TMPRSS15: variants seen among roughly 807,000 people sequenced by gnomAD.
TMPRSS15 encodes the protein enteropeptidase.
In TMPRSS15, 128 loss-of-function variants were observed where a neutral mutation model predicts 125.3. That is an observed-to-expected ratio of 1.02 (90% CI 0.89 to 1.18). The LOEUF (loss-of-function observed/expected upper bound fraction) is 1.18. Among genes scored for constraint, TMPRSS15 ranks in the 50% most tolerant of loss-of-function variants. TMPRSS15 has a pLI of 0.00. For synonymous variants in TMPRSS15, 446 were observed against 423.2 expected, an observed-to-expected ratio of 1.05 and a Z score of -0.66; for missense variants, 1,283 against 1,212.7, an observed-to-expected ratio of 1.06 and a Z score of -0.86.
chr21:18,398,137 G>T, intron 2 of TMPRSS15, 62 bp downstream of exon 2: 3 of 1,570,160 alleles, frequency 1.9e-6, no homozygotes, highest in Non-Finnish European at 2.6e-6. Context: ...GTGAGAAAAT[G>T]GTGTTTTCAG....
rs978454370 is a variant in TMPRSS15 at position 18,274,501 on chromosome 21, G to A, written c.2904+696C>T. Among the ~76,000 whole-genome samples the A allele has an allele frequency of 2.0e-5, 3 of 152,142 alleles. 1 individual carries two copies. Among genetic ancestry groups the A allele is most frequent in the African/African-American group, 7.2e-5 (3 of 41,428 alleles). On this transcript the variant is annotated intron_variant, in intron 24 of 24. Coordinates refer to ENST00000284885, the MANE Select transcript of TMPRSS15 (RefSeq NM_002772.3). ...CAGTGAAGTTACTACGTGGGTAAGAGTTTTTTCCTAATGTCACACAGGTCA... is the reference window on the plus strand; with the variant it reads ...CAGTGAAGTTACTACGTGGGTAAGAATTTTTTCCTAATGTCACACAGGTCA...
chr21:18,301,053 G>A (rs921987366), intron 18 of TMPRSS15, among the ~76,000 whole-genome samples: 1 of 152,148 alleles, frequency 6.6e-6, no homozygotes, highest in Non-Finnish European at 1.5e-5. Context: ...ATATAAATAT[G>A]TCGTCTTGGG....
At position 18,461,294 on chromosome 21, in the gene TMPRSS15, T is replaced by A. The variant is rs2122952475; in HGVS notation, c.10+24505A>T. ...GTAGTTACATTTCTTCCCTGCTCTATAAACCCTTAATTTTAGTCACTTGAA... is the reference window on the plus strand; with the variant it reads ...GTAGTTACATTTCTTCCCTGCTCTAAAAACCCTTAATTTTAGTCACTTGAA... On this transcript the variant is annotated intron_variant, in intron 1 of 7. Coordinates refer to the TMPRSS15 transcript ENST00000422787. Among the ~76,000 whole-genome samples the A allele has an allele frequency of 3.9e-5, 6 of 152,156 alleles. No homozygotes were observed. The East Asian group carries it at 1.2e-3, about 29-fold the overall frequency.
intron 1 of TMPRSS15, among the ~76,000 whole-genome samples, chr21:18,415,629 A>G (rs145570118): frequency 1.5e-4 from 23 of 152,238 alleles, no homozygotes; most frequent in African/African-American, 5.5e-4. Context: ...CCCATTGTGT[A>G]TCCTTAGCAC....
intron 1 of TMPRSS15, among the ~76,000 whole-genome samples, chr21:18,422,326 G>T (rs2076194045): frequency 6.6e-6 from 1 of 151,852 alleles, no homozygotes; most frequent in African/African-American, 2.4e-5. Flanking sequence ...TAAATGGAAG[G>T]TGAAACCTTT....
intron 4 of TMPRSS15, among the ~76,000 whole-genome samples, chr21:18,382,873 C>A (rs923685072): frequency 1.3e-5 from 2 of 152,112 alleles, no homozygotes; most frequent in Non-Finnish European, 2.9e-5. Context: ...TTGGAACAAT[C>A]TAAGCATTTA....
At chr21:18,306,842 C>G (rs981103389) in intron 18 of TMPRSS15, among the ~76,000 whole-genome samples, 11 of 151,278 alleles carry the variant, frequency 7.3e-5, no homozygotes, top group Admixed American at 4.0e-4. Flanking sequence ...ATACTTTGAT[C>G]AAAGACATGA....
At chr21:18,387,460 T>G (rs1381753792) in intron 3 of TMPRSS15, among the ~76,000 whole-genome samples, 1 of 152,200 alleles carries the variant, frequency 6.6e-6, no homozygotes, top group East Asian at 1.9e-4. Context: ...AAACTGCATG[T>G]TGCCACAAAG....
intron 1 of TMPRSS15, among the ~76,000 whole-genome samples, chr21:18,401,827 A>G (rs1409813729): frequency 1.3e-5 from 2 of 152,220 alleles, no homozygotes; most frequent in Non-Finnish European, 2.9e-5. Context: ...TTAGCTGTTC[A>G]CTGTTAAACA....
intron 1 of TMPRSS15, among the ~76,000 whole-genome samples, chr21:18,460,017 T>G (rs2123272972): frequency 6.6e-6 from 1 of 152,324 alleles, no homozygotes; most frequent in South Asian, 2.1e-4. Context: ...TTTGATATTT[T>G]ATTCTGTGAT....
intron 1 of TMPRSS15, chr21:18,477,839 A>C (rs1321197668): frequency 6.6e-6 from 1 of 152,098 alleles, no homozygotes; most frequent in Non-Finnish European, 1.5e-5. Context: ...TGTTTATCTC[A>C]GATCCAATTA....
chr21:18,338,687 T>C, intron 13 of TMPRSS15, among the ~76,000 whole-genome samples: 1 of 151,228 alleles, frequency 6.6e-6, no homozygotes, highest in East Asian at 1.9e-4. Context: ...AATAAGAGTA[T>C]ATCCAAAAGA....
intron 21 of TMPRSS15, among the ~76,000 whole-genome samples, chr21:18,292,584 C>A (rs895870877): frequency 6.6e-6 from 1 of 152,114 alleles, no homozygotes; most frequent in Non-Finnish European, 1.5e-5. Context: ...AATATTACTG[C>A]GAGCCTGATT....
Position 18,419,447 on chromosome 21 carries a change from G to A in TMPRSS15, c.11-21118C>T, listed in dbSNP as rs62215002. On this transcript the variant is annotated intron_variant, in intron 1 of 7. Coordinates refer to the TMPRSS15 transcript ENST00000422787. ...TCACCGTGTTAGACCGGATGGTCTC[G>A]ATCTCCTGACATCGTGATCCACCTG... is the stretch of plus-strand genomic sequence containing the variant. Among the ~76,000 whole-genome samples the A allele has an allele frequency of 1.5e-3, 222 of 151,996 alleles. 3 individuals carry two copies. The highest frequency in any genetic ancestry group is 1.8e-3 in the Non-Finnish European group (120 of 67,952).
intron 1 of TMPRSS15, among the ~76,000 whole-genome samples, chr21:18,441,430 C>T (rs1260924559): frequency 6.6e-6 from 1 of 151,078 alleles, no homozygotes; most frequent in African/African-American, 2.4e-5. Context: ...CATGGTGAAA[C>T]CCCATCTCTA....
chr21:18,358,544 A>G (rs1022662372), intron 8 of TMPRSS15, among the ~76,000 whole-genome samples: 6 of 151,884 alleles, frequency 4.0e-5, no homozygotes, highest in Non-Finnish European at 7.4e-5. Flanking sequence ...TTAAGAGCAA[A>G]TGTGACTTAC....
At chr21:18,332,048 A>C in intron 14 of TMPRSS15, 36 bp downstream of exon 14, 1 of 1,575,370 alleles carries the variant, frequency 6.3e-7, no homozygotes, top group South Asian at 1.1e-5. Context: ...TCATATGGAC[A>C]TTTGTTTCTG....
At chr21:18,367,129 T>C (rs533176083) in intron 6 of TMPRSS15, among the ~76,000 whole-genome samples, 1 of 152,150 alleles carries the variant, frequency 6.6e-6, no homozygotes, top group South Asian at 2.1e-4. Context: ...ATTCATTAGC[T>C]TATGATTTGG....
At chr21:18,440,266 G>A (rs1310469818) in intron 1 of TMPRSS15, among the ~76,000 whole-genome samples, 1 of 149,222 alleles carries the variant, frequency 6.7e-6, no homozygotes, top group Non-Finnish European at 1.5e-5. Context: ...CCAGCTACAC[G>A]GGAGGCTGAG....
Sources: gnomAD v4.1 joint callset for allele counts (sites outside exome capture counted in the v4.1 genomes callset) on GRCh38, gnomAD v4.1.1 for gene constraint, MANE v1.5 for transcripts, NCBI Gene and HGNC (gene_info 2026-07-23, HGNC 2026-07-21) for gene names.